The following CYP4Z1 variants were observed in gnomAD, a reference collection of about 807,000 sequenced individuals.
CYP4Z1 encodes cytochrome P450 4Z1.
CYP4Z1 carries 41 observed loss-of-function variants against 54.2 expected under a neutral mutation model. The observed-to-expected ratio is 0.76, with a 90% CI of 0.59 to 0.98. CYP4Z1 has a LOEUF of 0.98. CYP4Z1 is among the 50% of genes least tolerant of loss of function. CYP4Z1 has a pLI of 0.00. For synonymous variants in CYP4Z1, 163 were observed against 206.2 expected (o/e 0.79, Z 1.79); for missense variants, 513 against 599.0 (o/e 0.86, Z 1.50).
rs116390521 is a variant in CYP4Z1, at chr1:47,067,313, A to G, written c.-178A>G. Among the ~76,000 whole-genome samples the G allele has an allele frequency of 1.2e-3, 188 of 152,310 alleles. 1 individual carries two copies. Among genetic ancestry groups the G allele is most frequent in the African/African-American group, 4.2e-3 (176 of 41,564 alleles). The stretch of plus-strand genomic sequence containing the variant: ...ATCCAGGTCTGCTGGCCAACATCTC[A>G]GCAGTTTTCACCCTGCAGACTTAAT... On this transcript the variant is annotated 5_prime_UTR_variant, in exon 1 of 12. Coordinates refer to ENST00000334194, the MANE Select transcript of CYP4Z1 (RefSeq NM_178134.3).
rs750739802 is a variant in CYP4Z1, at chr1:47,067,523, T to A, written c.33T>A (p.Ala11=). The change falls in exon 1 of 12, where the codon GCT becomes GCA. Residue 11 remains alanine (A), a synonymous_variant. Transcript: ENST00000334194. MEPSWLQELM[A]HPFLLLILLC... is the part of the protein sequence containing the mutation. ...CCTCCTGGCTTCAGGAACTCATGGC[T>A]CACCCCTTCTTGCTGCTGATCCTCC... is the stretch of plus-strand genomic sequence containing the variant. The A allele has an allele frequency of 1.9e-6, 3 of 1,612,750 alleles. No homozygotes were observed. The highest frequency in any genetic ancestry group is 2.5e-6 in the Non-Finnish European group (3 of 1,179,250).
intron 9 of CYP4Z1, among the ~76,000 whole-genome samples, chr1:47,110,556 CA>C (rs1557634837): frequency 6.6e-6 from 1 of 151,930 alleles, no homozygotes; most frequent in African/African-American, 2.4e-5. Context: ...GACCTTGTCT[CA>C]AAAAAATTTT....
chr1:47,095,808 A>C (rs1048468366), intron 7 of CYP4Z1, among the ~76,000 whole-genome samples: 1 of 152,198 alleles, frequency 6.6e-6, no homozygotes, highest in African/African-American at 2.4e-5. Flanking sequence ...CGTTGTACCA[A>C]ATGGCACCAT....
At chr1:47,101,835 T>C (rs1263391798) in intron 8 of CYP4Z1, among the ~76,000 whole-genome samples, 2 of 152,110 alleles carry the variant, frequency 1.3e-5, no homozygotes, top group African/African-American at 4.8e-5. Flanking sequence ...TTTGTCTAGA[T>C]GACTCGAATA....
intron 9 of CYP4Z1, among the ~76,000 whole-genome samples, 185 bp downstream of exon 9, chr1:47,106,446 A>C (rs567969206): frequency 0.015 from 2,234 of 150,638 alleles, 30 homozygotes; most frequent in South Asian, 0.051. Flanking sequence ...CAGGATTATC[A>C]AGGTGCAAAG....
chr1:47,067,731 G>A (rs993712868), intron 1 of CYP4Z1, 64 bp downstream of exon 1: 69 of 1,430,782 alleles, frequency 4.8e-5, no homozygotes, highest in Non-Finnish European at 6.1e-5. Flanking sequence ...AAAAAAAACA[G>A]CACAGACTGG....
intron 7 of CYP4Z1, among the ~76,000 whole-genome samples, chr1:47,097,560 A>G (rs1349739438): frequency 6.6e-6 from 1 of 152,184 alleles, no homozygotes; most frequent in African/African-American, 2.4e-5. Flanking sequence ...TTTATTAAAT[A>G]GGGAATCCTT....
Position 47,094,655 on chromosome 1 carries a change from C to A in CYP4Z1, c.862C>A (p.Leu288Ile). ...AAGGCGCTGGGATTTTCTGGACATA[C>A]TTTTGAGTGCCAAAGTAAGTCTTCT... ...QKRRWDFLDI[L>I]LSAKSENTKD... The change falls in exon 7 of 12, where the codon CTT becomes ATT. Residue 288 changes from leucine to isoleucine, a missense_variant. Transcript: ENST00000334194. 1.2e-6 allele frequency: 2 copies of A among 1,610,814 alleles called. No homozygotes were observed. The highest frequency in any genetic ancestry group is 2.7e-5 in the African/African-American group (2 of 74,768).
the CYP4Z1 span, among the ~76,000 whole-genome samples, chr1:47,058,625 G>T: frequency 6.6e-6 from 1 of 152,172 alleles, no homozygotes; most frequent in Admixed American, 6.5e-5. Context: ...ATGTGGACTC[G>T]CATTTCTTCT....
At chr1:47,095,271 T>C (rs1186759768) in intron 7 of CYP4Z1, among the ~76,000 whole-genome samples, 3 of 152,150 alleles carry the variant, frequency 2.0e-5, no homozygotes, top group African/African-American at 7.2e-5. Context: ...GGTTAGAATC[T>C]TCATTTCAAC....
chr1:47,118,105 G>A lies in CYP4Z1; in HGVS notation c.*171G>A. The A allele has an allele frequency of 4.3e-6, 3 of 701,060 alleles. No individual in the cohort carries two copies. The highest frequency in any genetic ancestry group is 4.3e-6 in the Non-Finnish European group (2 of 469,974). The allele number at this position is 701,060 out of a possible 1,614,324, so 43.4% of individuals were successfully genotyped here. The stretch of plus-strand genomic sequence containing the variant: ...TAACAGTAATTTTAATTTCTTTGCT[G>A]TATCTGGTGAAACCCACAAAAACAC... On this transcript the variant is annotated 3_prime_UTR_variant, in exon 12 of 12. Coordinates refer to ENST00000334194, the MANE Select transcript of CYP4Z1 (RefSeq NM_178134.3).
intron 6 of CYP4Z1, among the ~76,000 whole-genome samples, chr1:47,087,886 T>G (rs1323186008): frequency 6.6e-6 from 1 of 152,222 alleles, no homozygotes; most frequent in Non-Finnish European, 1.5e-5. Flanking sequence ...CCTAATTTAT[T>G]GAGAGATTTT....
chr1:47,079,371 G>T (rs548778655), intron 2 of CYP4Z1, among the ~76,000 whole-genome samples: 1 of 152,086 alleles, frequency 6.6e-6, no homozygotes, highest in African/African-American at 2.4e-5. Context: ...TGCTAAAGTT[G>T]ACTATAACAG....
the CYP4Z1 span, among the ~76,000 whole-genome samples, chr1:47,060,205 A>T: frequency 1.3e-5 from 2 of 152,210 alleles, no homozygotes; most frequent in African/African-American, 2.4e-5. Flanking sequence ...TATACTTTTT[A>T]AAAAATTAAT....
In CYP4Z1 at chr1:47,117,997, A is replaced by G; in HGVS notation, c.*63A>G. 1 of 1,482,218 alleles carries G rather than the reference A, an allele frequency of 6.7e-7. No homozygotes were observed. 91.8% of individuals were successfully genotyped at this position (1,482,218 alleles called of 1,614,324 possible). Reference sequence around the variant, plus strand: ...TTCCTACCAAAGGAAGAACAAAAGGATAAATATAATACAAAATATATGTAT... The same window carrying G: ...TTCCTACCAAAGGAAGAACAAAAGGGTAAATATAATACAAAATATATGTAT... On this transcript the variant is annotated 3_prime_UTR_variant, in exon 12 of 12. Coordinates refer to ENST00000334194, the MANE Select transcript of CYP4Z1 (RefSeq NM_178134.3).
chr1:47,079,423 G>A (rs1444817855), intron 2 of CYP4Z1, among the ~76,000 whole-genome samples: 2 of 152,092 alleles, frequency 1.3e-5, no homozygotes, highest in African/African-American at 4.8e-5. Flanking sequence ...GGAAGGGATG[G>A]CCCTGGACAG....
intron 2 of CYP4Z1, among the ~76,000 whole-genome samples, chr1:47,069,680 C>T (rs1316854760): frequency 6.6e-6 from 1 of 151,810 alleles, no homozygotes; most frequent in Admixed American, 6.6e-5. Flanking sequence ...GTGTTCACTC[C>T]CTTGAGAAGG....
chr1:47,087,160 T>C (rs1463158997), intron 6 of CYP4Z1, among the ~76,000 whole-genome samples: 1 of 152,216 alleles, frequency 6.6e-6, no homozygotes, highest in African/African-American at 2.4e-5. Flanking sequence ...TGGCTTACAA[T>C]TGACTTGGCA....
intron 8 of CYP4Z1, among the ~76,000 whole-genome samples, chr1:47,104,289 G>A (rs768159626): frequency 6.6e-6 from 1 of 152,204 alleles, no homozygotes; most frequent in African/African-American, 2.4e-5. Flanking sequence ...CTGTGGTGAA[G>A]TTTTGTTGGG....
Sources: allele counts gnomAD v4.1 joint callset (sites outside exome capture counted in the v4.1 genomes callset), GRCh38; gene constraint gnomAD v4.1.1; transcripts MANE v1.5; gene names NCBI Gene and HGNC (gene_info 2026-07-23, HGNC 2026-07-21).